The following OTUD7A variants were observed in gnomAD, a reference collection of about 807,000 sequenced individuals.
OTUD7A encodes the protein OTU domain-containing protein 7A.
Under a neutral mutation model 65.7 loss-of-function variants are expected in OTUD7A, and 12 were observed. The observed-to-expected ratio is 0.18, with a 90% CI of 0.12 to 0.30. The LOEUF is 0.30. Among genes scored for constraint, OTUD7A ranks in the 10% least tolerant of loss-of-function variants. OTUD7A has a pLI of 1.00. For missense variants in OTUD7A, 1,148 were observed against 1,304.8 expected, an observed-to-expected ratio of 0.88 and a Z score of 1.85; for synonymous variants, 641 against 586.3, an observed-to-expected ratio of 1.09 and a Z score of -1.35.
At chr15:31,864,063 G>A (rs949823472) in intron 1 of OTUD7A, among the ~76,000 whole-genome samples, 5 of 152,154 alleles carry the variant, frequency 3.3e-5, no homozygotes, top group Non-Finnish European at 7.4e-5. Context: ...AACATAACAA[G>A]AGTCACCTTT....
intron 8 of OTUD7A, among the ~76,000 whole-genome samples, chr15:31,523,477 C>T (rs968706441): frequency 1.3e-5 from 2 of 152,192 alleles, no homozygotes; most frequent in Non-Finnish European, 2.9e-5. Context: ...TCACTGACTA[C>T]TCGTGTCCAC....
intron 1 of OTUD7A, among the ~76,000 whole-genome samples, chr15:31,711,408 A>G (rs1893442127): frequency 6.6e-6 from 1 of 151,752 alleles, no homozygotes; most frequent in Non-Finnish European, 1.5e-5. Flanking sequence ...GGAAGCCCAC[A>G]TAAAACATGT....
intron 1 of OTUD7A, among the ~76,000 whole-genome samples, chr15:31,715,334 T>A (rs1210715441): frequency 7.0e-6 from 1 of 141,942 alleles, no homozygotes; most frequent in African/African-American, 2.5e-5. Context: ...GAGCCTTCTG[T>A]GTGCCCCACA....
intron 1 of OTUD7A, among the ~76,000 whole-genome samples, chr15:31,857,752 G>A (rs889548174): frequency 6.6e-6 from 1 of 152,176 alleles, no homozygotes; most frequent in Non-Finnish European, 1.5e-5. Flanking sequence ...GGACCATGAA[G>A]GGTATTACCA....
intron 1 of OTUD7A, among the ~76,000 whole-genome samples, chr15:31,715,538 T>C (rs1804183751): frequency 1.3e-5 from 2 of 149,738 alleles, no homozygotes; most frequent in South Asian, 4.2e-4. Context: ...ACTTCTTTTG[T>C]AGCACTACCA....
chr15:31,868,190 T>G (rs1335787654), intron 1 of OTUD7A, among the ~76,000 whole-genome samples: 2 of 152,236 alleles, frequency 1.3e-5, no homozygotes, highest in African/African-American at 4.8e-5. Flanking sequence ...CACTGACAAC[T>G]CCCAAATTTA....
intron 8 of OTUD7A, among the ~76,000 whole-genome samples, chr15:31,505,837 C>A (rs1338788859): frequency 1.3e-5 from 2 of 151,658 alleles, no homozygotes; most frequent in African/African-American, 4.8e-5. Flanking sequence ...GCAAGCTCCA[C>A]CTCCCGGGTT....
In OTUD7A at chr15:31,497,250, G is replaced by A. The variant is rs181757518; in HGVS notation, c.1171+4440C>T. 2.7e-3 allele frequency among the ~76,000 whole-genome samples: 379 copies of A among 139,494 alleles called. 1 individual carries two copies. The highest frequency in any genetic ancestry group is 1.0e-2 in the African/African-American group (368 of 36,856). The allele number at this position is 139,494 out of a possible 152,430, so 91.5% of individuals were successfully genotyped here. ...AACTATTTAAATAATTGACTTATAT[G>A]TTAATTTTTTTTTTTTTGAGATGAA... is the stretch of plus-strand genomic sequence containing the variant. On this transcript the variant is annotated intron_variant, in intron 10 of 12. Transcript: ENST00000307050.
intron 1 of OTUD7A, among the ~76,000 whole-genome samples, chr15:31,710,676 C>A (rs1893420223): frequency 6.6e-6 from 1 of 152,248 alleles, no homozygotes; most frequent in Admixed American, 6.5e-5. Flanking sequence ...TTGGCCTACA[C>A]TGCTGTTCAC....
At chr15:31,519,108 T>C (rs2041903525) in intron 8 of OTUD7A, among the ~76,000 whole-genome samples, 1 of 142,108 alleles carries the variant, frequency 7.0e-6, no homozygotes, top group Non-Finnish European at 1.5e-5. Flanking sequence ...ACTACAGGTC[T>C]AGCACTGTGC....
rs2041413255 is a variant in OTUD7A, at chr15:31,498,005, C to A, written c.1171+3685G>T. Among the ~76,000 whole-genome samples the A allele has an allele frequency of 6.6e-6, 1 of 152,244 alleles. No homozygotes were observed. On this transcript the variant is annotated intron_variant, in intron 10 of 12. Coordinates refer to ENST00000307050, the MANE Select transcript of OTUD7A (RefSeq NM_001382637.1). This position sits in a 1 kb window ranked among gnomAD's most constrained non-coding sequence, Gnocchi z 4.2. ...TGCACCCAGCCCTTCCCAGTGCAAC[C>A]TGCTGGCCAGGCCGAGAGCTAACAT...
chr15:31,610,032 G>C (rs1347000686), intron 3 of OTUD7A, among the ~76,000 whole-genome samples: 1 of 151,556 alleles, frequency 6.6e-6, no homozygotes, highest in Non-Finnish European at 1.5e-5. Context: ...GGAACACCCT[G>C]TGGGACAAAA....
In OTUD7A at chr15:31,487,440, G is replaced by A. The variant is rs372164783; in HGVS notation, c.1286+12C>T. ...TGTGGGCGCTGGGGAAAGGGACAGAGTAGGATCTTACTGGGCCAGCCGGGC... is the reference window on the plus strand; with the variant it reads ...TGTGGGCGCTGGGGAAAGGGACAGAATAGGATCTTACTGGGCCAGCCGGGC... On this transcript the variant is annotated intron_variant, in intron 11 of 12. Coordinates refer to ENST00000307050, the MANE Select transcript of OTUD7A (RefSeq NM_001382637.1). This position sits in a 1 kb window ranked among gnomAD's most constrained non-coding sequence, Gnocchi z 6.0. The A allele has an allele frequency of 1.9e-6, 3 of 1,612,906 alleles. No individual in the cohort carries two copies. Among genetic ancestry groups the A allele is most frequent in the Non-Finnish European group, 2.5e-6 (3 of 1,179,208 alleles).
At chr15:31,578,994 T>C (rs2141181917) in intron 3 of OTUD7A, among the ~76,000 whole-genome samples, 1 of 152,338 alleles carries the variant, frequency 6.6e-6, no homozygotes, top group South Asian at 2.1e-4. Flanking sequence ...CATATTTGGC[T>C]CCAAATGTCT....
At chr15:31,586,884 C>T (rs1889556396) in intron 3 of OTUD7A, among the ~76,000 whole-genome samples, 1 of 152,064 alleles carries the variant, frequency 6.6e-6, no homozygotes, top group African/African-American at 2.4e-5. Flanking sequence ...CCTCCTCCTC[C>T]TGGCCTCTGC....
At chr15:31,572,266 A>G (rs1889077464) in intron 3 of OTUD7A, among the ~76,000 whole-genome samples, 1 of 152,120 alleles carries the variant, frequency 6.6e-6, no homozygotes, top group African/African-American at 2.4e-5. Context: ...CTGTTGTCCT[A>G]TCTTTCTGTA....
chr15:31,845,328 C>CCA (rs987618982), intron 1 of OTUD7A, among the ~76,000 whole-genome samples: 1 of 152,198 alleles, frequency 6.6e-6, no homozygotes, highest in African/African-American at 2.4e-5. Context: ...GGCTGCGGAG[C>CCA]CACACTCAGT....
intron 3 of OTUD7A, among the ~76,000 whole-genome samples, chr15:31,628,304 T>C (rs1005855800): frequency 1.3e-5 from 2 of 152,236 alleles, no homozygotes; most frequent in Non-Finnish European, 2.9e-5. Flanking sequence ...TTCAGCTTTC[T>C]ACATATGGCC....
intron 1 of OTUD7A, among the ~76,000 whole-genome samples, chr15:31,662,253 T>A (rs937773452): frequency 3.0e-4 from 46 of 152,220 alleles, no homozygotes; most frequent in Non-Finnish European, 8.8e-5. Context: ...TTTCTACTAA[T>A]CTACTATTTG....
Sources: allele counts gnomAD v4.1 joint callset (sites outside exome capture counted in the v4.1 genomes callset), GRCh38; gene constraint gnomAD v4.1.1; non-coding constraint Gnocchi (gnomAD v3.1); transcripts MANE v1.5; gene names NCBI Gene and HGNC (gene_info 2026-07-23, HGNC 2026-07-21).